The following TTLL5 variants were observed in gnomAD, a reference collection of about 807,000 sequenced individuals.
The protein encoded by TTLL5 is tubulin polyglutamylase TTLL5.
Under a neutral mutation model 168.4 loss-of-function variants are expected in TTLL5, and 132 were observed. The observed-to-expected ratio is 0.78, with a 90% CI of 0.68 to 0.91. The LOEUF is 0.91. Among genes scored for constraint, TTLL5 ranks in the 40% least tolerant of loss-of-function variants. TTLL5 has a pLI of 0.00. For synonymous variants in TTLL5, 546 were observed against 558.6 expected (o/e 0.98, Z 0.32); for missense variants, 1,545 against 1,581.5 (o/e 0.98, Z 0.39).
At chr14:75,786,245 A>G (rs945360481) in intron 26 of TTLL5, among the ~76,000 whole-genome samples, 2 of 152,044 alleles carry the variant, frequency 1.3e-5, no homozygotes, top group Non-Finnish European at 2.9e-5. Flanking sequence ...TTCTAGTTTG[A>G]ACTATTTTTT....
Position 75,763,253 on chromosome 14 carries a change from C to CTGTGTGTGTGTGTGTGTG in TTLL5, c.1551-1361_1551-1360insGTGTGTGTGTGTGTGTGT, listed in dbSNP as rs202149877. Among the ~76,000 whole-genome samples, 367 of 145,468 alleles carry CTGTGTGTGTGTGTGTGTG rather than the reference C, an allele frequency of 2.5e-3. 2 individuals are homozygous for CTGTGTGTGTGTGTGTGTG. The highest frequency in any genetic ancestry group is 8.9e-3 in the African/African-American group (351 of 39,322). ...TAAAAGTTTATTTCTATAGCTCTCT[C>CTGTGTGTGTGTGTGTGTG]TCTGTGTGTGTGTGTGTGTGTGTGT... is the stretch of plus-strand genomic sequence containing the variant. On this transcript the variant is annotated intron_variant, in intron 18 of 31. Coordinates refer to ENST00000298832, the MANE Select transcript of TTLL5 (RefSeq NM_015072.5).
intron 27 of TTLL5, among the ~76,000 whole-genome samples, chr14:75,803,993 T>TA (rs1338695681): frequency 6.6e-6 from 1 of 152,094 alleles, no homozygotes; most frequent in Non-Finnish European, 1.5e-5. Flanking sequence ...CCTGGGAGTT[T>TA]AATCAAAGGG....
At chr14:75,914,033 A>AAAAAAAATATATATATATATATATAT in intron 31 of TTLL5, among the ~76,000 whole-genome samples, 1 of 71,114 alleles carries the variant, frequency 1.4e-5, no homozygotes, top group Non-Finnish European at 2.1e-5. Context: ...AAAAAAAAAA[A>AAAAAAAATATATATATATATATATAT]ATATATATAT....
At chr14:75,746,119 C>T (rs1321295108) in intron 17 of TTLL5, among the ~76,000 whole-genome samples, 2 of 152,196 alleles carry the variant, frequency 1.3e-5, no homozygotes, top group Non-Finnish European at 2.9e-5. Flanking sequence ...GACCTGCCTT[C>T]TGACATTACA....
In TTLL5 at chr14:75,885,396, G is replaced by A. The variant is rs899575241; in HGVS notation, c.3740+2494G>A. Among the ~76,000 whole-genome samples the A allele has an allele frequency of 5.9e-5, 9 of 151,878 alleles. No homozygotes were observed. In the South Asian group the frequency reaches 6.2e-4, roughly 11 times the overall value. The stretch of plus-strand genomic sequence containing the variant: ...AGTCCCAGCTACTTGGGCGGCTGAG[G>A]CAGGAGAATAGTGTGAACCCGGGAG... On this transcript the variant is annotated intron_variant, in intron 30 of 31. Transcript: ENST00000298832.
chr14:75,801,531 C>T (rs903069302), intron 27 of TTLL5, among the ~76,000 whole-genome samples: 7 of 152,038 alleles, frequency 4.6e-5, no homozygotes, highest in African/African-American at 1.7e-4. Context: ...ACTGTAGTCA[C>T]CCTGTTGTGC....
At chr14:75,795,540 C>T (rs1892955317) in intron 27 of TTLL5, among the ~76,000 whole-genome samples, 1 of 152,120 alleles carries the variant, frequency 6.6e-6, no homozygotes, top group Non-Finnish European at 1.5e-5. Flanking sequence ...GTAGTGTACA[C>T]TGTACCCAAT....
intron 7 of TTLL5, among the ~76,000 whole-genome samples, chr14:75,701,637 T>A (rs1045717207): frequency 3.2e-4 from 49 of 152,318 alleles, no homozygotes; most frequent in African/African-American, 1.1e-3. Flanking sequence ...TTCCTTTTTG[T>A]GTGTACTGGT....
At chr14:75,819,881 A>G (rs1595095879) in intron 27 of TTLL5, 126 bp from the exon 28 acceptor site, 5 of 1,053,054 alleles carry the variant, frequency 4.7e-6, no homozygotes, top group Middle Eastern at 4.5e-4. Flanking sequence ...TGCCTTTGTC[A>G]CAGCCACAGC....
At chr14:75,742,005 C>T (rs768365066) in intron 15 of TTLL5, among the ~76,000 whole-genome samples, 10 of 152,136 alleles carry the variant, frequency 6.6e-5, no homozygotes, top group Non-Finnish European at 1.0e-4. Context: ...CCATTAAAAA[C>T]AATACCCAGG....
At chr14:75,815,382 T>C (rs1373965487) in intron 27 of TTLL5, among the ~76,000 whole-genome samples, 1 of 152,256 alleles carries the variant, frequency 6.6e-6, no homozygotes, top group African/African-American at 2.4e-5. Flanking sequence ...TTAACAATGA[T>C]ACTTTGCTTT....
intron 28 of TTLL5, among the ~76,000 whole-genome samples, chr14:75,859,151 T>A (rs1032911240): frequency 6.6e-6 from 1 of 152,170 alleles, no homozygotes. Context: ...TTATGGAGAG[T>A]GCAACTTCCA....
At chr14:75,765,142 A>C (rs1890886045) in intron 19 of TTLL5, among the ~76,000 whole-genome samples, 1 of 152,324 alleles carries the variant, frequency 6.6e-6, no homozygotes, top group South Asian at 2.1e-4. Context: ...GAATGGCATA[A>C]GTATTTTAGA....
At chr14:75,768,734 G>A (rs573846647) in intron 20 of TTLL5, among the ~76,000 whole-genome samples, 119 of 152,308 alleles carry the variant, frequency 7.8e-4, no homozygotes, top group Non-Finnish European at 1.4e-3. Flanking sequence ...ATGCATGATA[G>A]TCTTTATTTC....
chr14:75,946,282 A>G (rs1034356772), intron 31 of TTLL5, among the ~76,000 whole-genome samples: 2 of 152,264 alleles, frequency 1.3e-5, no homozygotes, highest in African/African-American at 4.8e-5. Flanking sequence ...ATTTAAGTTC[A>G]TACTGTACAG....
intron 31 of TTLL5, among the ~76,000 whole-genome samples, chr14:75,929,033 A>G (rs189399155): frequency 5.4e-4 from 62 of 115,884 alleles, no homozygotes; most frequent in Non-Finnish European, 4.9e-5. Context: ...GTGGCCACGG[A>G]GCAGCTGACA....
intron 17 of TTLL5, among the ~76,000 whole-genome samples, chr14:75,751,357 A>G (rs1889941641): frequency 6.6e-6 from 1 of 152,186 alleles, no homozygotes; most frequent in Non-Finnish European, 1.5e-5. Context: ...AGCACTTTAC[A>G]GTTCTCTTTG....
rs758705323 is a variant in TTLL5 at position 75,732,406 on chromosome 14, CCTT to C, written c.1115_1117del (p.Ser372del). ...ATGGTTGTTGGAAGTGAATCTCTCT[CCTT>C]CTTTGGCCTGGTAAGTCAGTTCCAT... On this transcript the variant is annotated inframe_deletion, in exon 13 of 32. Coordinates refer to ENST00000298832, the MANE Select transcript of TTLL5 (RefSeq NM_015072.5). 5.0e-6 allele frequency: 8 copies of C among 1,613,762 alleles called. No homozygotes were observed. Among genetic ancestry groups the C allele is most frequent in the East Asian group, 2.2e-5 (1 of 44,832 alleles).
At chr14:75,773,966 AG>A (rs1566598250) in intron 21 of TTLL5, among the ~76,000 whole-genome samples, 1,909 of 122,068 alleles carry the variant, frequency 0.016, 36 homozygotes, top group South Asian at 0.022. Flanking sequence ...AAAGAGAGAG[AG>A]AGAGAGAGAG....
Sources: allele counts gnomAD v4.1 joint callset (sites outside exome capture counted in the v4.1 genomes callset), GRCh38; gene constraint gnomAD v4.1.1; transcripts MANE v1.5; gene names NCBI Gene and HGNC (gene_info 2026-07-23, HGNC 2026-07-21).